AGBL4: variants seen among roughly 807,000 people sequenced by gnomAD.
The protein encoded by AGBL4 is AGBL carboxypeptidase 4.
Under a neutral mutation model 66.4 loss-of-function variants are expected in AGBL4, and 58 were observed. The observed-to-expected ratio is 0.87, with a 90% CI of 0.71 to 1.09. AGBL4 has a LOEUF of 1.09. Among genes scored for constraint, AGBL4 ranks in the 50% least tolerant of loss-of-function variants. The probability of loss-of-function intolerance (pLI) is 0.00; values close to 1 mark genes in which losing one functional copy is unlikely to be tolerated. For synonymous variants in AGBL4, 234 were observed against 222.9 expected (o/e 1.05, Z -0.44); for missense variants, 579 against 631.0 (o/e 0.92, Z 0.88).
chr1:49,310,930 T>C (rs868821349), intron 3 of AGBL4, among the ~76,000 whole-genome samples: 34 of 151,998 alleles, frequency 2.2e-4, no homozygotes, highest in Middle Eastern at 6.8e-3. Context: ...AGTGCATAAG[T>C]TGGGGAGTTG....
chr1:49,694,459 A>C (rs1312686940), intron 3 of AGBL4, among the ~76,000 whole-genome samples: 1 of 152,136 alleles, frequency 6.6e-6, no homozygotes, highest in Non-Finnish European at 1.5e-5. Context: ...AGAGGCTGAT[A>C]AAAGCATCAG....
At chr1:49,446,066 G>C (rs1646149524) in intron 3 of AGBL4, among the ~76,000 whole-genome samples, 1 of 152,086 alleles carries the variant, frequency 6.6e-6, no homozygotes, top group Middle Eastern at 3.2e-3. Context: ...TGGCCAGGCT[G>C]GTCTTAAACT....
At chr1:48,807,393 T>C (rs1645949490) in intron 6 of AGBL4, among the ~76,000 whole-genome samples, 1 of 152,252 alleles carries the variant, frequency 6.6e-6, no homozygotes, top group Non-Finnish European at 1.5e-5. Flanking sequence ...GCTGAGGTGA[T>C]GCAAATTAAG....
chr1:48,846,421 G>GAAAGA (rs796582660), intron 6 of AGBL4, among the ~76,000 whole-genome samples: 1 of 144,602 alleles, frequency 6.9e-6, no homozygotes, highest in Non-Finnish European at 1.5e-5. Context: ...AAGAAAGAAA[G>GAAAGA]AAATTCATTT....
chr1:49,377,159 C>G (rs1644488017), intron 3 of AGBL4, among the ~76,000 whole-genome samples: 1 of 151,990 alleles, frequency 6.6e-6, no homozygotes, highest in African/African-American at 2.4e-5. Context: ...CATATGAACA[C>G]CTACTTTCCC....
At chr1:49,416,180 T>C (rs1436619765) in intron 3 of AGBL4, among the ~76,000 whole-genome samples, 1 of 152,144 alleles carries the variant, frequency 6.6e-6, no homozygotes, top group African/African-American at 2.4e-5. Context: ...GTTTATATAC[T>C]AGTCAAATTA....
intron 6 of AGBL4, chr1:48,776,900 G>C (rs1274142059): frequency 9.9e-7 from 1 of 1,009,534 alleles, no homozygotes; most frequent in Non-Finnish European, 1.4e-6. Flanking sequence ...GTGGGGATCC[G>C]GCGGGGGGCG....
At chr1:49,781,771 T>C (rs1336198085) in intron 2 of AGBL4, among the ~76,000 whole-genome samples, 1 of 152,042 alleles carries the variant, frequency 6.6e-6, no homozygotes, top group African/African-American at 2.4e-5. Flanking sequence ...ATTTTTGAAG[T>C]TTGACATCCT....
At chr1:49,883,323 C>T (rs185497131) in intron 1 of AGBL4, among the ~76,000 whole-genome samples, 3 of 152,162 alleles carry the variant, frequency 2.0e-5, no homozygotes, top group African/African-American at 4.8e-5. Context: ...AAGTCCTACC[C>T]AACCTGTAGA....
chr1:48,595,401 C>G (rs1644980011), intron 9 of AGBL4, among the ~76,000 whole-genome samples: 1 of 152,040 alleles, frequency 6.6e-6, no homozygotes, highest in Non-Finnish European at 1.5e-5. Context: ...AATGAGTAAA[C>G]AAATGCATCT....
intron 5 of AGBL4, among the ~76,000 whole-genome samples, chr1:48,939,183 C>G (rs190001307): frequency 1.3e-5 from 2 of 152,350 alleles, no homozygotes; most frequent in Admixed American, 1.3e-4. Context: ...TGTGATTCAT[C>G]AGTATATACT....
At chr1:48,958,108 T>C (rs1042499731) in intron 5 of AGBL4, among the ~76,000 whole-genome samples, 3 of 152,092 alleles carry the variant, frequency 2.0e-5, no homozygotes, top group Non-Finnish European at 4.4e-5. Context: ...TCCGCCTGCC[T>C]CGGCCTCCCA....
chr1:49,897,103 C>T (rs946348313), intron 1 of AGBL4, among the ~76,000 whole-genome samples: 3 of 151,960 alleles, frequency 2.0e-5, no homozygotes. Context: ...ACTGGAAGTC[C>T]TAACTAGAGA....
chr1:49,791,617 C>T (rs1440264736), intron 2 of AGBL4, among the ~76,000 whole-genome samples: 2 of 152,000 alleles, frequency 1.3e-5, no homozygotes, highest in Non-Finnish European at 2.9e-5. Context: ...ACCTAATGAA[C>T]CTCTTTTCAG....
intron 3 of AGBL4, among the ~76,000 whole-genome samples, chr1:49,389,481 T>C (rs1644803388): frequency 6.6e-6 from 1 of 152,148 alleles, no homozygotes; most frequent in Non-Finnish European, 1.5e-5. Context: ...AGAAGTCAAG[T>C]AATTCAGCTG....
intron 1 of AGBL4, among the ~76,000 whole-genome samples, chr1:50,002,754 ACCAGAGG>A (rs1660860903): frequency 6.6e-6 from 1 of 152,130 alleles, no homozygotes; most frequent in Non-Finnish European, 1.5e-5. Context: ...AGAAAAGACT[ACCAGAGG>A]CCTTTCACCT....
chr1:49,888,021 A>G (rs1256175135), intron 1 of AGBL4, among the ~76,000 whole-genome samples: 1 of 152,208 alleles, frequency 6.6e-6, no homozygotes, highest in Admixed American at 6.5e-5. Flanking sequence ...TGTTTGTTAC[A>G]TAATTTTTTC....
intron 1 of AGBL4, among the ~76,000 whole-genome samples, chr1:50,003,739 CT>C (rs373239827): frequency 1.3e-5 from 2 of 152,210 alleles, no homozygotes; most frequent in African/African-American, 4.8e-5. Flanking sequence ...AGGCCAGTGT[CT>C]TTTATTTAAC....
chr1:48,554,186 G>A (rs1644289114), intron 11 of AGBL4, among the ~76,000 whole-genome samples: 1 of 152,168 alleles, frequency 6.6e-6, no homozygotes, highest in Non-Finnish European at 1.5e-5. Flanking sequence ...ACCTTTAAAA[G>A]AAGCCCACTC....
Sources: gnomAD v4.1 joint callset for allele counts (sites outside exome capture counted in the v4.1 genomes callset) on GRCh38, gnomAD v4.1.1 for gene constraint, MANE v1.5 for transcripts, NCBI Gene and HGNC (gene_info 2026-07-23, HGNC 2026-07-21) for gene names.